Variants in CNPY1 observed in about 807,000 individuals in gnomAD.
CNPY1 encodes the protein canopy FGF signaling regulator 1.
Under a neutral mutation model 14.4 loss-of-function variants are expected in CNPY1, and 14 were observed. The ratio of observed to expected loss-of-function variants is 0.97; its 90% CI spans 0.64 to 1.52. CNPY1 has a LOEUF of 1.52. Among genes scored for constraint, CNPY1 ranks in the 40% most tolerant of loss-of-function variants. The probability of loss-of-function intolerance (pLI) is 0.00; values close to 1 mark genes in which losing one functional copy is unlikely to be tolerated. For synonymous variants in CNPY1, 43 were observed against 46.5 expected (o/e 0.92, Z 0.31); for missense variants, 129 against 131.5 (o/e 0.98, Z 0.09).
At chr7:155,514,193 A>G (rs1796574763) in intron 2 of CNPY1, among the ~76,000 whole-genome samples, 1 of 152,268 alleles carries the variant, frequency 6.6e-6, no homozygotes, top group African/African-American at 2.4e-5. Flanking sequence ...ACAAATATTT[A>G]CTGAACTCCA....
intron 2 of CNPY1, among the ~76,000 whole-genome samples, chr7:155,520,805 G>C (rs1046365634): frequency 6.6e-6 from 1 of 152,090 alleles, no homozygotes; most frequent in African/African-American, 2.4e-5. Flanking sequence ...CTTGAAAGAG[G>C]GTTATGTTTC....
At chr7:155,532,903 G>C (rs538830860) in intron 2 of CNPY1, among the ~76,000 whole-genome samples, 2 of 152,152 alleles carry the variant, frequency 1.3e-5, no homozygotes, top group African/African-American at 4.8e-5. Flanking sequence ...GAACCATGAC[G>C]GATAAAGTTC....
At chr7:155,528,896 TA>T (rs1657933105) in intron 2 of CNPY1, among the ~76,000 whole-genome samples, 1 of 151,998 alleles carries the variant, frequency 6.6e-6, no homozygotes, top group South Asian at 2.1e-4. Context: ...GTGTCTCTAC[TA>T]AAAATACAAA....
At chr7:155,506,896 A>G in intron 4 of CNPY1, 124 bp downstream of exon 4, 1 of 649,034 alleles carries the variant, frequency 1.5e-6, no homozygotes, top group Non-Finnish European at 2.7e-6. Context: ...GAGACGGGGG[A>G]TCCTGTGTCA....
chr7:155,526,330 G>T (rs1796818200), intron 2 of CNPY1, among the ~76,000 whole-genome samples: 1 of 152,190 alleles, frequency 6.6e-6, no homozygotes, highest in African/African-American at 2.4e-5. Context: ...AGAAAAGCAT[G>T]CAGTAATGGA....
At chr7:155,534,015 GC>G in intron 2 of CNPY1, among the ~76,000 whole-genome samples, 1 of 152,184 alleles carries the variant, frequency 6.6e-6, no homozygotes, top group Admixed American at 6.5e-5. Context: ...AGGACTGGAA[GC>G]CCGGGGGGAA....
In CNPY1 at chr7:155,509,050, T is replaced by C. The variant is rs909825952; in HGVS notation, c.147A>G (p.Lys49=). 8 of 1,607,308 alleles carry C rather than the reference T, an allele frequency of 5.0e-6. No homozygotes were observed. In the African/African-American group the frequency reaches 5.4e-5, roughly 11 times the overall value. The change falls in exon 3 of 5, where the codon AAA becomes AAG. Residue 49 remains lysine, a synonymous_variant. Transcript: ENST00000636446. The part of the protein sequence containing the change: ...SEAFLTDLLE[K]VCERMNDYKL... ...TGTAGTCGTTCATTCGCTCACAGAC[T>C]TTCTCCAAAAGATCCGTTAGGAACG...
At chr7:155,517,653 A>G (rs554229132) in intron 2 of CNPY1, among the ~76,000 whole-genome samples, 3 of 152,266 alleles carry the variant, frequency 2.0e-5, no homozygotes, top group South Asian at 4.2e-4. Context: ...ATGGTTCATC[A>G]TCTGAATTTC....
intron 2 of CNPY1, among the ~76,000 whole-genome samples, chr7:155,512,073 A>G (rs2116696883): frequency 6.6e-6 from 1 of 152,178 alleles, no homozygotes; most frequent in Non-Finnish European, 1.5e-5. Context: ...AAGTCTTTCT[A>G]TACTGTGAAG....
chr7:155,529,984 T>C (rs901558942), intron 2 of CNPY1, among the ~76,000 whole-genome samples: 6 of 152,006 alleles, frequency 3.9e-5, no homozygotes, highest in African/African-American at 7.2e-5. Context: ...GGCTTTACCA[T>C]GTTGGCCAGG....
rs554802080 is a variant in CNPY1, at chr7:155,522,965, C to G, written c.100-13868G>C. Among the ~76,000 whole-genome samples, 3 of 152,354 alleles carry G rather than the reference C, an allele frequency of 2.0e-5. No homozygotes were observed. In the South Asian group the frequency reaches 6.2e-4, roughly 32 times the overall value. On this transcript the variant is annotated intron_variant, in intron 2 of 4. Transcript: ENST00000636446. ...CTGTATGGGAGCTGCACGGTGCCCACTGTGTCTTCTAGCTCCTTTTGTCCT... is the reference window on the plus strand; with the variant it reads ...CTGTATGGGAGCTGCACGGTGCCCAGTGTGTCTTCTAGCTCCTTTTGTCCT...
At position 155,508,892 on chromosome 7, in the gene CNPY1, A is replaced by G. The variant is rs1433583510; in HGVS notation, c.303+2T>C. 1.2e-6 allele frequency: 2 copies of G among 1,613,182 alleles called. No individual in the cohort carries two copies. Among genetic ancestry groups the G allele is most frequent in the Admixed American group, 3.3e-5 (2 of 59,846 alleles). ...GATTCATCTGCAAGGAAGAGAGCTT[A>G]CCGCAAATTTCAAAGGTCTGTAAGC... On this transcript the variant is annotated splice_donor_variant, in intron 3 of 4. Coordinates refer to ENST00000636446, the MANE Select transcript of CNPY1 (RefSeq NM_001393663.1). LOFTEE classifies it high-confidence loss of function.
chr7:155,537,355 A>G (rs1797035483), intron 2 of CNPY1, among the ~76,000 whole-genome samples: 1 of 151,726 alleles, frequency 6.6e-6, no homozygotes, highest in Admixed American at 6.6e-5. Context: ...CAGTGACACC[A>G]CCAGGAATGA....
chr7:155,546,197 T>A (rs989802159), intron 1 of CNPY1, among the ~76,000 whole-genome samples: 8 of 152,144 alleles, frequency 5.3e-5, no homozygotes, highest in African/African-American at 1.9e-4. Context: ...ATGTGCTTTT[T>A]TTTTTTTGAG....
intron 4 of CNPY1, chr7:155,506,646 A>G (rs1796320915): frequency 5.1e-6 from 1 of 196,706 alleles, no homozygotes; most frequent in Non-Finnish European, 1.0e-5. Flanking sequence ...TACTCAAGCC[A>G]TGAAGTGAGG....
chr7:155,525,714 G>T (rs575465130), intron 2 of CNPY1, among the ~76,000 whole-genome samples: 72 of 152,192 alleles, frequency 4.7e-4, no homozygotes, highest in Non-Finnish European at 8.1e-4. Flanking sequence ...CACTATTTGT[G>T]TCTTATCTAT....
intron 2 of CNPY1, among the ~76,000 whole-genome samples, chr7:155,544,005 A>G (rs1797130829): frequency 6.6e-6 from 1 of 152,196 alleles, no homozygotes; most frequent in South Asian, 2.1e-4. Flanking sequence ...AAGACAACAG[A>G]AAGCAGGGGA....
rs1554449557 is a variant in CNPY1 at position 155,527,030 on chromosome 7, T to TTTTCTTTCTTTCTTTCTTTC, written c.100-17953_100-17934dup. Among the ~76,000 whole-genome samples the TTTTCTTTCTTTCTTTCTTTC allele has an allele frequency of 1.4e-3, 115 of 83,252 alleles. 7 individuals are homozygous for TTTTCTTTCTTTCTTTCTTTC. Among genetic ancestry groups the TTTTCTTTCTTTCTTTCTTTC allele is most frequent in the African/African-American group, 2.6e-3 (50 of 19,578 alleles). 54.6% of individuals were successfully genotyped at this position (83,252 alleles called of 152,430 possible). Reference sequence around the variant, plus strand: ...TAGGCAGCCATGCTTTTCTTTTCTTTTTTCTTTCTTTCTTTCTTTCTTTCT... The same window carrying TTTTCTTTCTTTCTTTCTTTC: ...TAGGCAGCCATGCTTTTCTTTTCTTTTTTCTTTCTTTCTTTCTTTCTTTCTTTCTTTCTTTCTTTCTTTCT... On this transcript the variant is annotated intron_variant, in intron 2 of 4. Transcript: ENST00000636446.
At chr7:155,538,556 C>T (rs1221151350) in intron 2 of CNPY1, among the ~76,000 whole-genome samples, 1 of 152,146 alleles carries the variant, frequency 6.6e-6, no homozygotes, top group Non-Finnish European at 1.5e-5. Context: ...CCCACAAGGC[C>T]CTGAGCTTGG....
Sources: gnomAD v4.1 joint callset for allele counts (sites outside exome capture counted in the v4.1 genomes callset) on GRCh38, gnomAD v4.1.1 for gene constraint, MANE v1.5 for transcripts, NCBI Gene and HGNC (gene_info 2026-07-23, HGNC 2026-07-21) for gene names.